Variants in SLCO4A1 observed in about 807,000 individuals in gnomAD.
The protein encoded by SLCO4A1 is colon organic anion transporter.
In SLCO4A1, 51 loss-of-function variants were observed where a neutral mutation model predicts 64.6. The observed-to-expected ratio is 0.79, with a 90% CI of 0.63 to 1.00. SLCO4A1 has a LOEUF of 1.00. Among genes scored for constraint, SLCO4A1 ranks in the 50% least tolerant of loss-of-function variants. The pLI is 0.00. For synonymous variants in SLCO4A1, 471 were observed against 444.9 expected (o/e 1.06, Z -0.74); for missense variants, 919 against 980.5 (o/e 0.94, Z 0.84).
intron 1 of SLCO4A1, among the ~76,000 whole-genome samples, chr20:62,646,891 G>A (rs538520507): frequency 2.0e-5 from 3 of 152,352 alleles, no homozygotes; most frequent in South Asian, 2.1e-4. Flanking sequence ...GCACACACCC[G>A]TGGCTTCACC....
At chr20:62,681,476 GTGT>G (rs1383671611) in intron 2 of SLCO4A1, among the ~76,000 whole-genome samples, 1 of 149,992 alleles carries the variant, frequency 6.7e-6, no homozygotes, top group Non-Finnish European at 1.5e-5. Context: ...ACTCGTGTGT[GTGT>G]TAAGCTGTGT....
intron 3 of SLCO4A1, among the ~76,000 whole-genome samples, chr20:62,659,319 C>T (rs1301224263): frequency 1.3e-5 from 2 of 151,874 alleles, no homozygotes; most frequent in Non-Finnish European, 1.5e-5. Context: ...ACCGCCAGTG[C>T]TCTGTGGGTT....
downstream of SLCO4A1, among the ~76,000 whole-genome samples, chr20:62,676,099 ATTC>A (rs1442670446): frequency 6.6e-6 from 1 of 152,158 alleles, no homozygotes; most frequent in Non-Finnish European, 1.5e-5. Context: ...AGTTCCTCTT[ATTC>A]TTCTGTGCAT....
Position 62,672,152 on chromosome 20 carries a change from A to G in SLCO4A1, c.*259A>G. On this transcript the variant is annotated 3_prime_UTR_variant, in exon 12 of 12. Coordinates refer to ENST00000217159, the MANE Select transcript of SLCO4A1 (RefSeq NM_016354.4). Reference sequence around the variant, plus strand: ...GTTTATAGAATGTGTTTTATACCCGATCGTGTGTGGTGTGCGTGAGGACAA... The same window carrying G: ...GTTTATAGAATGTGTTTTATACCCGGTCGTGTGTGGTGTGCGTGAGGACAA... The G allele has an allele frequency of 7.3e-7, 1 of 1,367,744 alleles. No homozygotes were observed. The highest frequency in any genetic ancestry group is 9.5e-7 in the Non-Finnish European group (1 of 1,054,380). The allele number at this position is 1,367,744 out of a possible 1,614,324, so 84.7% of individuals were successfully genotyped here. A position where few individuals can be genotyped will look rare whatever the true frequency, so the allele number is the denominator to read the frequency against.
chr20:62,664,983 G>GCCGGGGCCA lies in SLCO4A1; in HGVS notation c.1175_1183dup (p.Gly392_Thr394dup). The GCCGGGGCCA allele has an allele frequency of 3.7e-6, 6 of 1,613,668 alleles. No individual in the cohort carries two copies. Among genetic ancestry groups the GCCGGGGCCA allele is most frequent in the South Asian group, 1.1e-5 (1 of 91,060 alleles). On this transcript the variant is annotated inframe_insertion, in exon 6 of 12. Transcript: ENST00000217159. ...CCCCACGTTCATCCTGCTCTGCCTG[G>GCCGGGGCCA]CCGGGGCCACCGAGGCCACTCTCAT... is the stretch of plus-strand genomic sequence containing the variant.
chr20:62,672,343 T>C (rs186133046), downstream of SLCO4A1: 65 of 1,001,778 alleles, frequency 6.5e-5, no homozygotes, highest in Admixed American at 9.7e-4. Flanking sequence ...AGTTTGGTGG[T>C]CTCGCCATCC....
rs888606770 is a variant in SLCO4A1, at chr20:62,645,421, G to C, written c.-97+2868G>C. 1.3e-5 allele frequency among the ~76,000 whole-genome samples: 2 copies of C among 150,950 alleles called. No individual in the cohort carries two copies. Among genetic ancestry groups the C allele is most frequent in the African/African-American group, 4.9e-5 (2 of 41,122 alleles). Reference sequence around the variant, plus strand: ...GACCCTGCTGCCTTCTCTGGCCCCTGCTGGCCCTTCAGGCTACGGTGAGGG... The same window carrying C: ...GACCCTGCTGCCTTCTCTGGCCCCTCCTGGCCCTTCAGGCTACGGTGAGGG... On this transcript the variant is annotated intron_variant, in intron 1 of 11. Transcript: ENST00000217159. This position sits in a 1 kb window ranked among gnomAD's most constrained non-coding sequence, Gnocchi z 4.2.
At chr20:62,689,052 G>A (rs933466229), downstream of SLCO4A1, among the ~76,000 whole-genome samples, 18 of 152,150 alleles carry the variant, frequency 1.2e-4, no homozygotes, top group Admixed American at 3.3e-4. Context: ...GGCCGGAGGC[G>A]CCCCATTCTT....
chr20:62,658,824 G>A, intron 3 of SLCO4A1, 57 bp downstream of exon 3: 1 of 1,420,720 alleles, frequency 7.0e-7, no homozygotes, highest in South Asian at 1.2e-5. Flanking sequence ...TCTCTGGAAG[G>A]GGGTTCAGAG....
intron 1 of SLCO4A1, among the ~76,000 whole-genome samples, chr20:62,653,093 G>A (rs1238073930): frequency 2.0e-5 from 3 of 152,350 alleles, no homozygotes; most frequent in Admixed American, 2.0e-4. Flanking sequence ...TGCACAGCGG[G>A]TGTTAGCACC....
At chr20:62,648,364 G>A (rs904760523) in intron 1 of SLCO4A1, among the ~76,000 whole-genome samples, 8 of 152,256 alleles carry the variant, frequency 5.3e-5, no homozygotes, top group African/African-American at 1.9e-4. Context: ...GGGAAAGGAT[G>A]GGCCGAGAGG....
At chr20:62,671,714 C>A (rs752495311) in intron 11 of SLCO4A1, 36 bp from the exon 12 acceptor site, 6 of 1,597,284 alleles carry the variant, frequency 3.8e-6, no homozygotes, top group Non-Finnish European at 5.1e-6. Context: ...TCTGGCCGAG[C>A]TCCCCACGAG....
At chr20:62,653,691 T>G (rs1413829309) in intron 1 of SLCO4A1, among the ~76,000 whole-genome samples, 1 of 152,232 alleles carries the variant, frequency 6.6e-6, no homozygotes, top group Non-Finnish European at 1.5e-5. Flanking sequence ...CTCAGGCCTC[T>G]GTCATCTCCC....
chr20:62,658,567 G>A, intron 2 of SLCO4A1, 110 bp from the exon 3 acceptor site: 1 of 804,594 alleles, frequency 1.2e-6, no homozygotes, highest in Non-Finnish European at 2.1e-6. Context: ...GAGTGGGCCG[G>A]AGATGCAGAA....
At chr20:62,648,503 G>A (rs112020186) in intron 1 of SLCO4A1, among the ~76,000 whole-genome samples, 122 of 152,134 alleles carry the variant, frequency 8.0e-4, no homozygotes, top group African/African-American at 2.8e-3. Flanking sequence ...CCCACCTGCC[G>A]GCTGCATGGG....
rs1034436705 is a variant in SLCO4A1, at chr20:62,644,892, G to C, written c.-97+2339G>C. 6.6e-6 allele frequency among the ~76,000 whole-genome samples: 1 copy of C among 152,238 alleles called. No individual in the cohort carries two copies. The highest frequency in any genetic ancestry group is 1.5e-5 in the Non-Finnish European group (1 of 68,048). ...GCAGCCTGGTGCTGGGGGCAGGAGGGAGCAGGGCCCTTGGAGCTCTGGGAG... is the reference window on the plus strand; with the variant it reads ...GCAGCCTGGTGCTGGGGGCAGGAGGCAGCAGGGCCCTTGGAGCTCTGGGAG... On this transcript the variant is annotated intron_variant, in intron 1 of 11. Transcript: ENST00000217159. The surrounding 1 kb of genome is among the most constrained non-coding windows in gnomAD (Gnocchi z 5.4).
intron 2 of SLCO4A1, among the ~76,000 whole-genome samples, chr20:62,680,235 A>G (rs1987766883): frequency 6.6e-6 from 1 of 152,166 alleles, no homozygotes; most frequent in African/African-American, 2.4e-5. Flanking sequence ...GTGTCATGAA[A>G]CCTGCTAGGC....
At chr20:62,668,621 C>T (rs1986811339) in intron 10 of SLCO4A1, 80 bp downstream of exon 10, 2 of 1,327,144 alleles carry the variant, frequency 1.5e-6, no homozygotes, top group Admixed American at 3.4e-5. Context: ...GTCTAACCAC[C>T]AAGGGGATGT....
chr20:62,654,246 C>T (rs566925723), intron 1 of SLCO4A1, among the ~76,000 whole-genome samples: 14 of 152,188 alleles, frequency 9.2e-5, no homozygotes, highest in Non-Finnish European at 1.9e-4. Flanking sequence ...TAAAAATGCA[C>T]CTGTCACCGG....
Sources: allele counts gnomAD v4.1 joint callset (sites outside exome capture counted in the v4.1 genomes callset), GRCh38; gene constraint gnomAD v4.1.1; non-coding constraint Gnocchi (gnomAD v3.1); transcripts MANE v1.5; gene names NCBI Gene and HGNC (gene_info 2026-07-23, HGNC 2026-07-21).